Variants in MALRD1 observed in about 807,000 individuals in gnomAD.
MALRD1 encodes the protein MAM and LDL-receptor class A domain-containing protein 1.
MALRD1 carries 247 observed loss-of-function variants against 242.1 expected under a neutral mutation model. The observed-to-expected ratio is 1.02, with a 90% CI of 0.92 to 1.13. The LOEUF (loss-of-function observed/expected upper bound fraction) is 1.13. MALRD1 is among the 50% of genes most tolerant of loss of function. MALRD1 has a pLI of 0.00. For missense variants in MALRD1, 2,989 were observed against 2,533.1 expected (o/e 1.18, Z -3.86); for synonymous variants, 995 against 866.6 (o/e 1.15, Z -2.60).
At chr10:19,307,541 T>A in intron 21 of MALRD1, among the ~76,000 whole-genome samples, 1 of 148,702 alleles carries the variant, frequency 6.7e-6, no homozygotes, top group East Asian at 2.0e-4. Context: ...GGATGAGATA[T>A]TATTAGTTCA....
At chr10:19,550,926 G>A (rs1835444129) in intron 32 of MALRD1, among the ~76,000 whole-genome samples, 1 of 152,058 alleles carries the variant, frequency 6.6e-6, no homozygotes, top group Non-Finnish European at 1.5e-5. Flanking sequence ...TCACCACACT[G>A]TCTTCCACAA....
In MALRD1 at chr10:19,205,105, T is replaced by C. The variant is rs199839497; in HGVS notation, c.2418T>C (p.Ile806=). The change falls in exon 17 of 40, where the codon ATT becomes ATC. Residue 806 remains isoleucine, a synonymous_variant. Transcript: ENST00000454679. ...SLGIYDGVSA[I]DDIRFENCTL... The stretch of plus-strand genomic sequence containing the variant: ...GCATTTATGATGGGGTCTCAGCTAT[T>C]GATGACATCCGATTTGAAAATTGTA... 1.7e-4 allele frequency: 264 copies of C among 1,550,708 alleles called. No individual in the cohort carries two copies. In the African/African-American group the frequency reaches 2.8e-3, roughly 17 times the overall value.
chr10:19,477,651 G>A (rs1461140202), intron 29 of MALRD1, among the ~76,000 whole-genome samples: 5 of 152,180 alleles, frequency 3.3e-5, no homozygotes, highest in African/African-American at 7.2e-5. Flanking sequence ...AAAGAATAGC[G>A]CTCTTTCTTG....
At chr10:19,256,895 G>T (rs1839538116) in intron 18 of MALRD1, among the ~76,000 whole-genome samples, 1 of 152,110 alleles carries the variant, frequency 6.6e-6, no homozygotes, top group African/African-American at 2.4e-5. Context: ...TTCTAAGTTT[G>T]AGTTTGCTAG....
chr10:19,588,021 C>A (rs1468254248), intron 33 of MALRD1, among the ~76,000 whole-genome samples: 2 of 151,470 alleles, frequency 1.3e-5, no homozygotes, highest in Non-Finnish European at 2.9e-5. Context: ...ACAACATCAT[C>A]TGCAAAAGTC....
chr10:19,240,509 C>G (rs1243471921), intron 18 of MALRD1, among the ~76,000 whole-genome samples: 2 of 151,910 alleles, frequency 1.3e-5, no homozygotes, highest in Non-Finnish European at 2.9e-5. Context: ...ACATTTTCTA[C>G]AAACAGAAAC....
intron 5 of MALRD1, among the ~76,000 whole-genome samples, chr10:19,107,246 T>C (rs1836495535): frequency 1.3e-5 from 2 of 152,002 alleles, no homozygotes; most frequent in African/African-American, 4.8e-5. Context: ...CTTGCTATTA[T>C]TGTATTGCAG....
chr10:19,547,374 A>G (rs561164419), intron 32 of MALRD1, among the ~76,000 whole-genome samples: 2 of 152,078 alleles, frequency 1.3e-5, no homozygotes. Context: ...CAGGAAACCT[A>G]TGTCCAACAC....
chr10:19,723,871 TTGGTGAATTTC>T (rs1834890455), intron 38 of MALRD1, among the ~76,000 whole-genome samples: 1 of 150,902 alleles, frequency 6.6e-6, no homozygotes, highest in Non-Finnish European at 1.5e-5. Context: ...AACTAGGTGT[TTGGTGAATTTC>T]ACTAAGCAGC....
At chr10:19,177,130 T>A (rs117909717) in intron 14 of MALRD1, among the ~76,000 whole-genome samples, 9,902 of 151,586 alleles carry the variant, frequency 0.065, 425 homozygotes, top group Middle Eastern at 0.11. Context: ...TACAAAAAAA[T>A]TAGCCAGGGC....
intron 18 of MALRD1, among the ~76,000 whole-genome samples, chr10:19,238,510 A>T (rs1471640025): frequency 3.6e-4 from 17 of 46,644 alleles, no homozygotes; most frequent in East Asian, 1.1e-3. Context: ...TATAATATAT[A>T]ATGTATATTA....
chr10:19,493,899 C>T (rs192565714), intron 30 of MALRD1, among the ~76,000 whole-genome samples: 179 of 152,224 alleles, frequency 1.2e-3, no homozygotes, highest in African/African-American at 4.1e-3. Flanking sequence ...GACTCTAAAA[C>T]GTGTGAAATC....
intron 26 of MALRD1, among the ~76,000 whole-genome samples, chr10:19,360,785 A>T (rs1442330147): frequency 6.6e-6 from 1 of 152,142 alleles, no homozygotes; most frequent in Non-Finnish European, 1.5e-5. Flanking sequence ...ATCATTATGT[A>T]TGAAAATTAT....
intron 36 of MALRD1, among the ~76,000 whole-genome samples, chr10:19,690,340 A>T (rs973134287): frequency 1.3e-5 from 2 of 152,104 alleles, no homozygotes; most frequent in Admixed American, 1.3e-4. Context: ...AAAATCAATC[A>T]ATCAATTAGT....
At chr10:19,104,578 A>C (rs1164868936) in intron 5 of MALRD1, among the ~76,000 whole-genome samples, 1 of 152,038 alleles carries the variant, frequency 6.6e-6, no homozygotes, top group East Asian at 1.9e-4. Context: ...TCTATTCTTC[A>C]TTTATATTAT....
chr10:19,136,657 A>G lies in MALRD1; in HGVS notation c.1287A>G (p.Gln429=). 3.2e-6 allele frequency: 4 copies of G among 1,231,710 alleles called. No homozygotes were observed. The highest frequency in any genetic ancestry group is 4.0e-6 in the Non-Finnish European group (4 of 987,966). The allele number at this position is 1,231,710 out of a possible 1,614,324, so 76.3% of individuals were successfully genotyped here. ...HLWVYACGQT[Q]SRKLCSADEF... ...GGGTCTATGCCTGTGGACAGACCCA[A>G]TCCAGAAAGCTTTGCTCTGCAGACG... Residue 429 remains glutamine (Q), a synonymous_variant, in exon 10 of 40, where the codon CAA becomes CAG. Transcript: ENST00000454679.
upstream of MALRD1, among the ~76,000 whole-genome samples, chr10:19,048,193 C>A (rs750746991): frequency 1.3e-5 from 2 of 152,166 alleles, no homozygotes; most frequent in African/African-American, 2.4e-5. Context: ...TATTTGAGCT[C>A]TAATTTCTTA....
intron 20 of MALRD1, among the ~76,000 whole-genome samples, chr10:19,281,185 A>G (rs1320883289): frequency 6.6e-6 from 1 of 152,140 alleles, no homozygotes; most frequent in East Asian, 1.9e-4. Context: ...CACTTCATGC[A>G]TAAGATGAGA....
At chr10:19,530,387 T>TAAAC (rs1834320105) in intron 31 of MALRD1, among the ~76,000 whole-genome samples, 1 of 76,856 alleles carries the variant, frequency 1.3e-5, no homozygotes. Context: ...AAATATTATA[T>TAAAC]ATTTATATAA....
Sources: gnomAD v4.1 joint callset for allele counts (sites outside exome capture counted in the v4.1 genomes callset) on GRCh38, gnomAD v4.1.1 for gene constraint, MANE v1.5 for transcripts, NCBI Gene and HGNC (gene_info 2026-07-23, HGNC 2026-07-21) for gene names.